HPF1: variants seen among roughly 807,000 people sequenced by gnomAD.
The protein encoded by HPF1 is UPF0609 protein C4orf27.
In HPF1, 35 loss-of-function variants were observed where a neutral mutation model predicts 38.8. The observed-to-expected ratio is 0.90, with a 90% CI of 0.69 to 1.19. The LOEUF (loss-of-function observed/expected upper bound fraction) is 1.19. HPF1 is among the 50% of genes most tolerant of loss of function. The pLI is 0.00. For synonymous variants in HPF1, 115 were observed against 139.2 expected (o/e 0.83, Z 1.22); for missense variants, 367 against 405.8 (o/e 0.90, Z 0.82).
At chr4:169,753,869 A>C in intron 1 of HPF1, 34 bp from the exon 2 acceptor site, 1 of 1,566,690 alleles carries the variant, frequency 6.4e-7, no homozygotes, top group African/African-American at 1.4e-5. Context: ...AGTTCTCCAA[A>C]TTTCAGTAAC....
chr4:169,744,720 A>G (rs1316458227), intron 4 of HPF1, among the ~76,000 whole-genome samples: 1 of 152,194 alleles, frequency 6.6e-6, no homozygotes, highest in Non-Finnish European at 1.5e-5. Context: ...CCTGAATTTT[A>G]TCACTGACAA....
At chr4:169,733,770 C>G (rs546115191) in intron 6 of HPF1, among the ~76,000 whole-genome samples, 39 of 151,990 alleles carry the variant, frequency 2.6e-4, no homozygotes, top group Non-Finnish European at 5.0e-4. Context: ...GTGGTGGACA[C>G]CTGTAGTCCC....
At chr4:169,748,682 C>G in intron 4 of HPF1, 62 bp downstream of exon 4, 2 of 794,992 alleles carry the variant, frequency 2.5e-6, no homozygotes, top group Non-Finnish European at 2.0e-6. Flanking sequence ...CCTCAAACCC[C>G]CTTTGTAATG....
intron 2 of HPF1, among the ~76,000 whole-genome samples, chr4:169,753,341 C>T: frequency 6.6e-6 from 1 of 151,038 alleles, no homozygotes; most frequent in South Asian, 2.1e-4. Context: ...GCCAATTATT[C>T]TATGTTTTAG....
At chr4:169,731,527 A>G (rs1733828046) in intron 7 of HPF1, among the ~76,000 whole-genome samples, 177 bp downstream of exon 7, 1 of 152,234 alleles carries the variant, frequency 6.6e-6, no homozygotes, top group Admixed American at 6.5e-5. Flanking sequence ...TTTTTAGGAC[A>G]TCTACGTTAA....
intron 6 of HPF1, among the ~76,000 whole-genome samples, chr4:169,733,346 A>G (rs1247210190): frequency 6.6e-6 from 1 of 152,226 alleles, no homozygotes; most frequent in Non-Finnish European, 1.5e-5. Flanking sequence ...AAGTATGAAC[A>G]ATATCTATTT....
Position 169,729,687 on chromosome 4 carries a change from T to C in HPF1, c.932A>G (p.Gln311Arg). 6.5e-7 allele frequency: 1 copy of C among 1,542,426 alleles called. No homozygotes were observed. Among genetic ancestry groups the C allele is most frequent in the South Asian group, 1.3e-5 (1 of 78,680 alleles). The change falls in exon 8 of 8, where the codon CAG (glutamine) becomes CGG (arginine). Residue 311 changes from glutamine (Q) to arginine (R), a missense_variant. Transcript: ENST00000393381. The stretch of plus-strand genomic sequence containing the variant: ...CAGATTATATGCAAGAGGTAAAAGC[T>C]GGCCAGCAACTTTATGAAAATACTG... Reference protein sequence around the residue: ...GSHYFHKVAGQLLPLAYNLLK... With the variant: ...GSHYFHKVAGRLLPLAYNLLK...
chr4:169,749,720 C>CAA (rs11413826), intron 3 of HPF1, among the ~76,000 whole-genome samples: 2,604 of 127,232 alleles, frequency 0.02, 59 homozygotes, highest in African/African-American at 0.049. Context: ...TACTCAAATA[C>CAA]AAAAAAAAAA....
Position 169,757,944 on chromosome 4 carries a change from C to A in HPF1, c.-67G>T, listed in dbSNP as rs901186142. ...GCTTCCGAGCGCCGCCAACCGCTTCCGGGTTCAAAAGCCTCCAAGCCGAAT... is the reference window on the plus strand; with the variant it reads ...GCTTCCGAGCGCCGCCAACCGCTTCAGGGTTCAAAAGCCTCCAAGCCGAAT... On this transcript the variant is annotated 5_prime_UTR_variant, in exon 1 of 8. Coordinates refer to ENST00000393381, the MANE Select transcript of HPF1 (RefSeq NM_017867.3). 55 of 1,486,832 alleles carry A rather than the reference C, an allele frequency of 3.7e-5. No individual in the cohort carries two copies. Among genetic ancestry groups the A allele is most frequent in the African/African-American group, 5.6e-5 (4 of 71,820 alleles). 92.1% of individuals were successfully genotyped at this position (1,486,832 alleles called of 1,614,324 possible).
chr4:169,751,443 C>T (rs1224313283), intron 2 of HPF1, among the ~76,000 whole-genome samples: 1 of 151,844 alleles, frequency 6.6e-6, no homozygotes, highest in African/African-American at 2.4e-5. Context: ...ATTTCTATCC[C>T]CTTTCCTCTA....
chr4:169,748,032 CTG>C (rs1734070476), intron 4 of HPF1, among the ~76,000 whole-genome samples: 1 of 152,214 alleles, frequency 6.6e-6, no homozygotes, highest in African/African-American at 2.4e-5. Flanking sequence ...ACAAAATCCA[CTG>C]TGAGCCACAC....
chr4:169,754,933 T>C (rs1405696571), intron 1 of HPF1, among the ~76,000 whole-genome samples: 2 of 151,990 alleles, frequency 1.3e-5, no homozygotes, highest in South Asian at 2.1e-4. Flanking sequence ...TTTATTATTA[T>C]TATACTTTAA....
At chr4:169,742,560 A>G (rs1318069516) in intron 4 of HPF1, among the ~76,000 whole-genome samples, 1 of 152,224 alleles carries the variant, frequency 6.6e-6, no homozygotes, top group Non-Finnish European at 1.5e-5. Flanking sequence ...TGGGAGGCCA[A>G]GGCGGGCGGA....
chr4:169,731,762 T>G lies in HPF1; in HGVS notation c.851A>C (p.Glu284Ala). ...TTCAAGCCCCATGCCATAATCACAT[T>G]CATCATTAGCAAACTGCACAAAAGT... ...MMTFVQFANDECDYGMGLELG... is the reference protein window; with the variant it reads ...MMTFVQFANDACDYGMGLELG... Residue 284 changes from glutamate (E) to alanine (A), a missense_variant, in exon 7 of 8, where the codon GAA becomes GCA. By Grantham distance (107) the Glu-to-Ala change is moderately radical. Transcript: ENST00000393381. 1 of 1,599,160 alleles carries G rather than the reference T, an allele frequency of 6.3e-7. No individual in the cohort carries two copies. The highest frequency in any genetic ancestry group is 2.2e-5 in the East Asian group (1 of 44,568).
At chr4:169,754,144 C>A (rs531570790) in intron 1 of HPF1, among the ~76,000 whole-genome samples, 1 of 152,220 alleles carries the variant, frequency 6.6e-6, no homozygotes, top group African/African-American at 2.4e-5. Flanking sequence ...AAAGAAAGGG[C>A]AGATTTTGCC....
intron 4 of HPF1, among the ~76,000 whole-genome samples, chr4:169,747,190 A>C (rs2877469): frequency 0.66 from 99,110 of 149,910 alleles, 37,103 homozygotes; most frequent in East Asian, 0.91. Flanking sequence ...ATGCTAGTGC[A>C]AGAGACAGAC....
rs779469162 is a variant in HPF1, at chr4:169,731,925, A to G, written c.737-49T>C. The G allele has an allele frequency of 4.9e-6, 7 of 1,435,944 alleles. No individual in the cohort carries two copies. The Admixed American group carries it at 1.3e-4, about 26-fold the overall frequency. The allele number at this position is 1,435,944 out of a possible 1,614,324, so 89.0% of individuals were successfully genotyped here. A position where few individuals can be genotyped will look rare whatever the true frequency, so the allele number is the denominator to read the frequency against. ...AGATTATCTACATAGTTAGAAAATG[A>G]ATCAGTCTTCAAAAGTAAGAAGATT... On this transcript the variant is annotated intron_variant, in intron 6 of 7. Transcript: ENST00000393381.
chr4:169,729,806 A>C, intron 7 of HPF1, 97 bp from the exon 8 acceptor site: 1 of 928,916 alleles, frequency 1.1e-6, no homozygotes, highest in Non-Finnish European at 1.4e-6. Flanking sequence ...AACAAAGGCT[A>C]CTTCCAAAAT....
Position 169,750,767 on chromosome 4 carries a change from G to A in HPF1, c.209-42C>T, listed in dbSNP as rs1020884815. The A allele has an allele frequency of 3.6e-6, 5 of 1,406,448 alleles. No individual in the cohort carries two copies. The African/African-American group carries it at 7.2e-5, about 20-fold the overall frequency. 87.1% of individuals were successfully genotyped at this position (1,406,448 alleles called of 1,614,324 possible). A position where few individuals can be genotyped will look rare whatever the true frequency, so the allele number is the denominator to read the frequency against. On this transcript the variant is annotated intron_variant, in intron 2 of 7. Coordinates refer to ENST00000393381, the MANE Select transcript of HPF1 (RefSeq NM_017867.3). Reference sequence around the variant, plus strand: ...TTTAGACAATACTTTCTGGAGACAGGTAGGAAATAATGCTTTTATTTAGTA... The same window carrying A: ...TTTAGACAATACTTTCTGGAGACAGATAGGAAATAATGCTTTTATTTAGTA...
Sources: gnomAD v4.1 joint callset for allele counts (sites outside exome capture counted in the v4.1 genomes callset) on GRCh38, gnomAD v4.1.1 for gene constraint, MANE v1.5 for transcripts, NCBI Gene and HGNC (gene_info 2026-07-23, HGNC 2026-07-21) for gene names.